Variants in PFAS observed in about 807,000 individuals in gnomAD.
PFAS encodes the protein FGAM synthase.
PFAS carries 97 observed loss-of-function variants against 140.6 expected under a neutral mutation model. The observed-to-expected ratio is 0.69, with a 90% CI of 0.59 to 0.82. The LOEUF is 0.82. Ranked by LOEUF, PFAS falls within the 40% of genes least tolerant of loss-of-function variation. PFAS has a pLI of 0.00. For missense variants in PFAS, 1,656 were observed against 1,780.2 expected (o/e 0.93, Z 1.26); for synonymous variants, 679 against 718.8 (o/e 0.94, Z 0.88).
At chr17:8,248,706 C>T (rs1988990186), upstream of PFAS, among the ~76,000 whole-genome samples, 1 of 152,028 alleles carries the variant, frequency 6.6e-6, no homozygotes, top group African/African-American at 2.4e-5. Context: ...CGCAGGCTTG[C>T]ACCGCCACAC....
chr17:8,264,614 C>T lies in PFAS; in HGVS notation c.2049+13C>T. On this transcript the variant is annotated intron_variant, in intron 17 of 27. Coordinates refer to ENST00000314666, the MANE Select transcript of PFAS (RefSeq NM_012393.3). ...CCTCACCAATAAGGTCCTCCCTGCA[C>T]CCTTCCTCTGCCCCCTGCCTCCTTC... The T allele has an allele frequency of 6.3e-7, 1 of 1,592,632 alleles. No individual in the cohort carries two copies. Among genetic ancestry groups the T allele is most frequent in the Non-Finnish European group, 8.5e-7 (1 of 1,169,760 alleles).
At chr17:8,268,050 ATAT>A (rs1567647249) in intron 26 of PFAS, among the ~76,000 whole-genome samples, 1 of 984 alleles carries the variant, frequency 1.0e-3, no homozygotes, top group Non-Finnish European at 0.012. Flanking sequence ...ATATTTTTAA[ATAT>A]ATATATATAT....
chr17:8,269,764 C>T lies in PFAS; in HGVS notation c.*500C>T, dbSNP rs1989957423. 6.4e-6 allele frequency: 1 copy of T among 157,196 alleles called. No individual in the cohort carries two copies. Among genetic ancestry groups the T allele is most frequent in the African/African-American group, 2.4e-5 (1 of 41,490 alleles). The allele number at this position is 157,196 out of a possible 1,614,324, so 9.7% of individuals were successfully genotyped here. On this transcript the variant is annotated 3_prime_UTR_variant, in exon 28 of 28. Coordinates refer to ENST00000314666, the MANE Select transcript of PFAS (RefSeq NM_012393.3). ...TTTCTGGATTTCTCTTGAAGTGCTA[C>T]ACTGCACTGAATGTAAGGAATTGTT...
chr17:8,254,773 T>C (rs1989293249), intron 3 of PFAS, among the ~76,000 whole-genome samples: 1 of 152,142 alleles, frequency 6.6e-6, no homozygotes, highest in African/African-American at 2.4e-5. Context: ...CACTGCACTC[T>C]AGCCTGGGCA....
Position 8,254,198 on chromosome 17 carries a change from A to C in PFAS, c.175A>C (p.Lys59Gln). ...CCTCCCCAGTGCTGAGGAGACAAAG[A>C]AGCTGATGTGGCTGTTTGGTTGCCC... ...EALPSAEETK[K>Q]LMWLFGCPLL... Residue 59 changes from lysine to glutamine, a missense_variant, in exon 3 of 28, where the codon AAG (lysine) becomes CAG (glutamine). Lys to Gln is a moderately conservative substitution (Grantham distance 53). This residue lies in a region of PFAS where 773 missense variants were observed against 757.3 expected (regional missense o/e 1.02). Coordinates refer to ENST00000314666, the MANE Select transcript of PFAS (RefSeq NM_012393.3). 6.2e-7 allele frequency: 1 copy of C among 1,614,072 alleles called. No individual in the cohort carries two copies. Among genetic ancestry groups the C allele is most frequent in the Non-Finnish European group, 8.5e-7 (1 of 1,180,006 alleles).
intron 8 of PFAS, 57 bp downstream of exon 8, chr17:8,256,705 T>C (rs1001389083): frequency 3.1e-6 from 5 of 1,592,022 alleles, no homozygotes; most frequent in Non-Finnish European, 4.3e-6. Flanking sequence ...AGGGCAAAGG[T>C]CCCAGGCCCC....
Position 8,255,641 on chromosome 17 carries a change from A to G in PFAS, c.524A>G (p.Asn175Ser), listed in dbSNP as rs200555008. The G allele has an allele frequency of 1.7e-5, 27 of 1,582,950 alleles. No homozygotes were observed. Among genetic ancestry groups the G allele is most frequent in the Admixed American group, 1.7e-4 (9 of 53,770 alleles). The change falls in exon 5 of 28, where the codon AAT becomes AGT. Residue 175 changes from asparagine (N) to serine (S), a missense_variant. Coordinates refer to ENST00000314666, the MANE Select transcript of PFAS (RefSeq NM_012393.3). ...CCGGAACCCCTCAATGGCCCTATCA[A>G]TATACTGGGTGAGGGCCGGCTTGCG... is the stretch of plus-strand genomic sequence containing the variant. ...SMPEPLNGPI[N>S]ILGEGRLALE... is the part of the protein sequence containing the mutation.
intron 11 of PFAS, among the ~76,000 whole-genome samples, chr17:8,258,920 A>G (rs1269265985): frequency 8.0e-5 from 12 of 150,492 alleles, no homozygotes; most frequent in Non-Finnish European, 1.5e-4. Context: ...CAGGAGGTGG[A>G]GCTTGCAGTG....
chr17:8,262,035 A>G (rs1323797623), intron 11 of PFAS, among the ~76,000 whole-genome samples: 1 of 151,716 alleles, frequency 6.6e-6, no homozygotes, highest in Non-Finnish European at 1.5e-5. Context: ...AAAAGTTTTT[A>G]GTGTATAAGC....
At position 8,254,238 on chromosome 17, in the gene PFAS, A is replaced by G. The variant is rs144163381; in HGVS notation, c.215A>G (p.Asp72Gly). The G allele has an allele frequency of 8.3e-4, 1,334 of 1,614,038 alleles. 2 individuals carry two copies. Among genetic ancestry groups the G allele is most frequent in the Non-Finnish European group, 1.0e-3 (1,218 of 1,179,988 alleles). Residue 72 changes from aspartate to glycine, a missense_variant, in exon 3 of 28, where the codon GAT becomes GGT. Coordinates refer to ENST00000314666, the MANE Select transcript of PFAS (RefSeq NM_012393.3). The stretch of plus-strand genomic sequence containing the variant: ...TTTGGTTGCCCCTTACTGCTGGATG[A>G]TGTTGCTCGGGAGTCCTGGCTCCTT... ...WLFGCPLLLD[D>G]VARESWLLPG... is the part of the protein sequence containing the mutation.
At position 8,264,265 on chromosome 17, in the gene PFAS, T is replaced by C. The variant is rs1989717158; in HGVS notation, c.1845T>C (p.Asp615=). The change falls in exon 16 of 28, where the codon GAT becomes GAC. Residue 615 remains aspartate, a synonymous_variant. Coordinates refer to ENST00000314666, the MANE Select transcript of PFAS (RefSeq NM_012393.3). ...ECPVRRNGQG[D]APPTPLPTPV... ...CTGTCAGAAGAAATGGCCAGGGGGA[T>C]GCCCCCCCGACACCCCTGCCAACCC... 6 of 1,613,718 alleles carry C rather than the reference T, an allele frequency of 3.7e-6. No homozygotes were observed. The South Asian group carries it at 5.5e-5, about 15-fold the overall frequency.
Position 8,264,342 on chromosome 17 carries a change from G to C in PFAS, c.1917+5G>C, listed in dbSNP as rs1989721384. 1 of 1,613,690 alleles carries C rather than the reference G, an allele frequency of 6.2e-7. No individual in the cohort carries two copies. The highest frequency in any genetic ancestry group is 8.5e-7 in the Non-Finnish European group (1 of 1,179,886). The stretch of plus-strand genomic sequence containing the variant: ...CTGGGCAAGATGCCTCGGAAGGTAT[G>C]TGGGGTTGAGGGGATGGGTTTTTCC... On this transcript the variant is annotated splice_donor_5th_base_variant and intron_variant, in intron 16 of 27. Transcript: ENST00000314666.
In PFAS at chr17:8,265,125, G is replaced by T. The variant is rs1266988530; in HGVS notation, c.2280G>T (p.Arg760=). Reference sequence around the variant, plus strand: ...TGTTTGCTCTGGTCACTGACCTCCGGGTGAGTTCTCCCACAGCTTCTATCC... The same window carrying T: ...TGTTTGCTCTGGTCACTGACCTCCGTGTGAGTTCTCCCACAGCTTCTATCC... ...NLVFALVTDL[R]DVKCSGNWMW... is the part of the protein sequence containing the mutation. The change falls in exon 18 of 28, where the codon CGG becomes CGT. Residue 760 remains arginine, a splice_region_variant and synonymous_variant. Transcript: ENST00000314666. The T allele has an allele frequency of 1.2e-6, 2 of 1,609,708 alleles. No homozygotes were observed. The highest frequency in any genetic ancestry group is 1.7e-6 in the Non-Finnish European group (2 of 1,177,852).
At position 8,266,556 on chromosome 17, in the gene PFAS, G is replaced by T; in HGVS notation, c.2822-197G>T. On this transcript the variant is annotated intron_variant, in intron 22 of 27. Transcript: ENST00000314666. This position sits in a 1 kb window ranked among gnomAD's most constrained non-coding sequence, Gnocchi z 5.0. ...CATGTTCCTGACTGCACCCCTCTGA[G>T]ACTTCCCATCCCTGAGATGTCCATG... The T allele has an allele frequency of 6.9e-7, 1 of 1,450,196 alleles. No homozygotes were observed. 89.8% of individuals were successfully genotyped at this position (1,450,196 alleles called of 1,614,324 possible). A position where few individuals can be genotyped will look rare whatever the true frequency, so the allele number is the denominator to read the frequency against.
chr17:8,263,497 C>T (rs1223093912), intron 13 of PFAS, 78 bp from the exon 14 acceptor site: 2 of 1,262,834 alleles, frequency 1.6e-6, no homozygotes, highest in South Asian at 1.2e-5. Flanking sequence ...AATTACAGGC[C>T]CCTTTGGAGG....
Position 8,267,594 on chromosome 17 carries a change from G to T in PFAS, c.3311G>T (p.Gly1104Val). 1.2e-6 allele frequency: 2 copies of T among 1,613,692 alleles called. No individual in the cohort carries two copies. Among genetic ancestry groups the T allele is most frequent in the Middle Eastern group, 1.7e-4 (1 of 6,056 alleles). ...CAGGACCTCTGCTCTGGGGCAATTGGGCTGGACACTTTCCGTGGCGTGGCC... is the reference window on the plus strand; with the variant it reads ...CAGGACCTCTGCTCTGGGGCAATTGTGCTGGACACTTTCCGTGGCGTGGCC... ...TMQDLCSGAIGLDTFRGVAFV... is the reference protein window; with the variant it reads ...TMQDLCSGAIVLDTFRGVAFV... The change falls in exon 26 of 28, where the codon GGG (glycine) becomes GTG (valine). Residue 1104 changes from glycine (G) to valine (V), a missense_variant. Coordinates refer to ENST00000314666, the MANE Select transcript of PFAS (RefSeq NM_012393.3). The surrounding 1 kb of genome is among the most constrained non-coding windows in gnomAD (Gnocchi z 4.9).
rs746670373 is a variant in PFAS, at chr17:8,266,920, C to A, written c.2967+22C>A. On this transcript the variant is annotated intron_variant, in intron 23 of 27. Coordinates refer to ENST00000314666, the MANE Select transcript of PFAS (RefSeq NM_012393.3). The surrounding 1 kb of genome is among the most constrained non-coding windows in gnomAD (Gnocchi z 5.0). ...CATGGTGAGGAAGTGAGGGAGAGAG[C>A]GGTGTGCAGTGGGCAGTCAGAGTGG... 1.9e-6 allele frequency: 3 copies of A among 1,598,288 alleles called. No homozygotes were observed. In the African/African-American group the frequency reaches 4.0e-5, roughly 21 times the overall value.
intron 1 of PFAS, among the ~76,000 whole-genome samples, chr17:8,252,308 AAAAT>A (rs1025065327): frequency 6.6e-5 from 10 of 152,166 alleles, no homozygotes; most frequent in South Asian, 4.1e-4. Flanking sequence ...AAAGAAAAAG[AAAAT>A]AAATAAATAA....
Position 8,257,469 on chromosome 17 carries a change from T to C in PFAS, c.1076-338T>C, listed in dbSNP as rs897690370. 9.9e-5 allele frequency among the ~76,000 whole-genome samples: 15 copies of C among 151,864 alleles called. No homozygotes were observed. The South Asian group carries it at 1.4e-3, about 15-fold the overall frequency. ...TACTCAGGAGGCTGAGGCGAGAGAA[T>C]GGCGTGAACCCGGGAGGCGGAGCTT... On this transcript the variant is annotated intron_variant, in intron 9 of 27. Coordinates refer to ENST00000314666, the MANE Select transcript of PFAS (RefSeq NM_012393.3).
Sources: allele counts gnomAD v4.1 joint callset (sites outside exome capture counted in the v4.1 genomes callset), GRCh38; gene constraint gnomAD v4.1.1; regional missense constraint gnomAD v4.1.1; non-coding constraint Gnocchi (gnomAD v3.1); transcripts MANE v1.5; gene names NCBI Gene and HGNC (gene_info 2026-07-23, HGNC 2026-07-21).